The following SLC24A2 variants were observed in gnomAD, a reference collection of about 807,000 sequenced individuals.
The protein encoded by SLC24A2 is solute carrier family 24 member 2.
Under a neutral mutation model 62.0 loss-of-function variants are expected in SLC24A2, and 36 were observed. The observed-to-expected ratio is 0.58, with a 90% CI of 0.44 to 0.77. The LOEUF is 0.77. SLC24A2 is among the 30% of genes least tolerant of loss of function. SLC24A2 has a pLI of 0.00. For synonymous variants in SLC24A2, 358 were observed against 294.0 expected (o/e 1.22, Z -2.23); for missense variants, 846 against 817.9 (o/e 1.03, Z -0.42).
the SLC24A2 span, among the ~76,000 whole-genome samples, chr9:20,307,839 C>A: frequency 1.5e-3 from 234 of 152,202 alleles, no homozygotes; most frequent in African/African-American, 5.3e-3. Context: ...AAGGAGGGAC[C>A]GCGGCTCTCT....
In SLC24A2 at chr9:19,642,671, C is replaced by CTTTTTTTTTTTTT. The variant is rs71335440; in HGVS notation, c.931-20385_931-20373dup. On this transcript the variant is annotated intron_variant, in intron 2 of 10. Coordinates refer to ENST00000341998, the MANE Select transcript of SLC24A2 (RefSeq NM_020344.4). ...AGAATGGTTTATATGAGAGCGTATT[C>CTTTTTTTTTTTTT]TTTTTTTTTTTTTTTTTTTTTTTTT... is the stretch of plus-strand genomic sequence containing the variant. Among the ~76,000 whole-genome samples, 3 of 79,850 alleles carry CTTTTTTTTTTTTT rather than the reference C, an allele frequency of 3.8e-5. 1 individual carries two copies. The allele number at this position is 79,850 out of a possible 152,430, so 52.4% of individuals were successfully genotyped here.
chr9:20,085,304 G>T, the SLC24A2 span, among the ~76,000 whole-genome samples: 6 of 152,130 alleles, frequency 3.9e-5, no homozygotes, highest in Non-Finnish European at 5.9e-5. Context: ...TGGCCCCAAG[G>T]TCTGTTTTGA....
At chr9:19,969,440 CAA>C in the SLC24A2 span, among the ~76,000 whole-genome samples, 1 of 152,098 alleles carries the variant, frequency 6.6e-6, no homozygotes, top group Non-Finnish European at 1.5e-5. Flanking sequence ...CAATAAAGCA[CAA>C]AAAAATTCCA....
At chr9:20,212,899 T>A in the SLC24A2 span, among the ~76,000 whole-genome samples, 9 of 151,718 alleles carry the variant, frequency 5.9e-5, no homozygotes, top group Non-Finnish European at 8.8e-5. Flanking sequence ...AAAATTAATA[T>A]CCTCAGCAAT....
intron 2 of SLC24A2, among the ~76,000 whole-genome samples, chr9:19,733,325 T>A (rs1688065544): frequency 6.6e-6 from 1 of 152,186 alleles, no homozygotes; most frequent in South Asian, 2.1e-4. Flanking sequence ...GGTATCAGAA[T>A]CAAAGCTCTT....
chr9:20,056,749 C>T, the SLC24A2 span, among the ~76,000 whole-genome samples: 1 of 152,132 alleles, frequency 6.6e-6, no homozygotes, highest in Non-Finnish European at 1.5e-5. Flanking sequence ...GATTGCATGG[C>T]ATCAAGACCA....
chr9:20,141,245 A>C, the SLC24A2 span, among the ~76,000 whole-genome samples: 1 of 152,132 alleles, frequency 6.6e-6, no homozygotes, highest in African/African-American at 2.4e-5. Context: ...GAGGCAAGAC[A>C]GCTGTCTTTC....
chr9:19,718,953 C>T (rs1370040875), intron 2 of SLC24A2, among the ~76,000 whole-genome samples: 1 of 152,156 alleles, frequency 6.6e-6, no homozygotes, highest in East Asian at 1.9e-4. Flanking sequence ...ACATTTCAAA[C>T]TATTTGAGAA....
the SLC24A2 span, among the ~76,000 whole-genome samples, chr9:20,179,759 G>C: frequency 6.6e-6 from 1 of 152,280 alleles, no homozygotes; most frequent in South Asian, 2.1e-4. Context: ...ATATGCTCTA[G>C]GACAGACTGA....
At chr9:20,102,141 A>G in the SLC24A2 span, among the ~76,000 whole-genome samples, 1 of 152,172 alleles carries the variant, frequency 6.6e-6, no homozygotes, top group Non-Finnish European at 1.5e-5. Context: ...CTATTTCTAT[A>G]AAGAGTTGGA....
the SLC24A2 span, among the ~76,000 whole-genome samples, chr9:20,058,318 G>C: frequency 6.6e-6 from 1 of 152,182 alleles, no homozygotes; most frequent in Admixed American, 6.5e-5. Flanking sequence ...TCATTACAAA[G>C]ACCCCAGTGG....
rs182507776 is a variant in SLC24A2, at chr9:19,748,044, A to G, written c.930+37893T>C. The stretch of plus-strand genomic sequence containing the variant: ...TCAGTTGCCTCTTGACTCTTAGCCT[A>G]TACAGATTTTCCTATTTGCTGGTTC... On this transcript the variant is annotated intron_variant, in intron 2 of 10. Coordinates refer to ENST00000341998, the MANE Select transcript of SLC24A2 (RefSeq NM_020344.4). Among the ~76,000 whole-genome samples the G allele has an allele frequency of 7.9e-5, 12 of 152,298 alleles. No homozygotes were observed. The East Asian group carries it at 1.5e-3, about 20-fold the overall frequency.
At chr9:19,623,088 A>C (rs769927698) in intron 2 of SLC24A2, among the ~76,000 whole-genome samples, 1 of 152,202 alleles carries the variant, frequency 6.6e-6, no homozygotes, top group East Asian at 1.9e-4. Context: ...GGGCAGTGGA[A>C]TTCTACCGAC....
the SLC24A2 span, among the ~76,000 whole-genome samples, chr9:20,098,612 G>T: frequency 1.3e-5 from 2 of 152,166 alleles, no homozygotes; most frequent in Non-Finnish European, 2.9e-5. Context: ...GCTTCCCAAA[G>T]ATACTAACTG....
At chr9:19,719,416 A>T (rs1215267683) in intron 2 of SLC24A2, among the ~76,000 whole-genome samples, 1 of 152,118 alleles carries the variant, frequency 6.6e-6, no homozygotes, top group African/African-American at 2.4e-5. Flanking sequence ...GCTTTATCTG[A>T]GTTCTTTACA....
At chr9:19,798,024 A>G in the SLC24A2 span, among the ~76,000 whole-genome samples, 3 of 152,176 alleles carry the variant, frequency 2.0e-5, no homozygotes, top group South Asian at 2.1e-4. Flanking sequence ...TCTTTAGGTC[A>G]GAGGTCTTGT....
At chr9:19,889,377 T>G in the SLC24A2 span, among the ~76,000 whole-genome samples, 1 of 152,134 alleles carries the variant, frequency 6.6e-6, no homozygotes, top group Non-Finnish European at 1.5e-5. Context: ...GTAATTATTA[T>G]TATTATTATT....
the SLC24A2 span, among the ~76,000 whole-genome samples, chr9:20,151,515 T>C: frequency 6.6e-6 from 1 of 151,894 alleles, no homozygotes; most frequent in Non-Finnish European, 1.5e-5. Context: ...CTCAGAGGGC[T>C]TTGCTAGATC....
chr9:19,534,653 C>A (rs898921992), intron 8 of SLC24A2, among the ~76,000 whole-genome samples: 23 of 152,134 alleles, frequency 1.5e-4, no homozygotes, highest in African/African-American at 5.6e-4. Context: ...ATGATAGTTT[C>A]CAGCTTCATC....
Sources: gnomAD v4.1 joint callset for allele counts (sites outside exome capture counted in the v4.1 genomes callset) on GRCh38, gnomAD v4.1.1 for gene constraint, MANE v1.5 for transcripts, NCBI Gene and HGNC (gene_info 2026-07-23, HGNC 2026-07-21) for gene names.